PTPRD: variants seen among roughly 807,000 people sequenced by gnomAD.
The protein encoded by PTPRD is protein tyrosine phosphatase receptor type D, also known as receptor-type tyrosine-protein phosphatase delta.
Under a neutral mutation model 214.5 loss-of-function variants are expected in PTPRD, and 34 were observed. That is an observed-to-expected ratio of 0.16 (90% CI 0.12 to 0.21). The LOEUF (loss-of-function observed/expected upper bound fraction) is 0.21, where lower values mean the gene tolerates loss of function less well. Among genes scored for constraint, PTPRD ranks in the 10% least tolerant of loss-of-function variants. PTPRD has a pLI of 1.00. For synonymous variants in PTPRD, 1,128 were observed against 845.7 expected, an observed-to-expected ratio of 1.33 and a Z score of -5.79; for missense variants, 2,545 against 2,398.7, an observed-to-expected ratio of 1.06 and a Z score of -1.27.
chr9:9,967,066 G>C (rs1320432243), intron 4 of PTPRD, among the ~76,000 whole-genome samples: 1 of 152,130 alleles, frequency 6.6e-6, no homozygotes, highest in Non-Finnish European at 1.5e-5. Flanking sequence ...TCCAATGGCT[G>C]AGAACTTCAC....
intron 3 of PTPRD, among the ~76,000 whole-genome samples, chr9:10,263,960 G>C (rs1368307907): frequency 6.6e-6 from 1 of 152,158 alleles, no homozygotes; most frequent in Non-Finnish European, 1.5e-5. Context: ...AATGGGCCAA[G>C]GTACAGCTCA....
intron 5 of PTPRD, among the ~76,000 whole-genome samples, chr9:9,827,452 A>T (rs1467940723): frequency 6.6e-6 from 1 of 152,190 alleles, no homozygotes; most frequent in Non-Finnish European, 1.5e-5. Flanking sequence ...CTGGCTAGCC[A>T]TATGTAGAAA....
intron 7 of PTPRD, among the ~76,000 whole-genome samples, chr9:9,705,851 A>G (rs377270873): frequency 3.9e-5 from 6 of 152,128 alleles, no homozygotes; most frequent in African/African-American, 7.2e-5. Context: ...TTACTCAATC[A>G]CTTTGAAATT....
At chr9:9,518,510 G>C (rs2096889228) in intron 8 of PTPRD, among the ~76,000 whole-genome samples, 1 of 151,962 alleles carries the variant, frequency 6.6e-6, no homozygotes, top group African/African-American at 2.4e-5. Flanking sequence ...AAGAAGGAAG[G>C]CATAATAGGG....
intron 35 of PTPRD, among the ~76,000 whole-genome samples, chr9:8,419,976 C>A (rs2094240447): frequency 6.6e-6 from 1 of 152,038 alleles, no homozygotes; most frequent in African/African-American, 2.4e-5. Flanking sequence ...CTGCCCTGAC[C>A]TACTGAATTT....
chr9:8,821,425 G>A (rs1176812096), intron 11 of PTPRD, among the ~76,000 whole-genome samples: 1 of 152,106 alleles, frequency 6.6e-6, no homozygotes, highest in African/African-American at 2.4e-5. Context: ...ACAACCCCTA[G>A]GAATTCAAGG....
chr9:8,342,069 C>A, intron 39 of PTPRD, 91 bp from the exon 40 acceptor site: 1 of 1,288,540 alleles, frequency 7.8e-7, no homozygotes, highest in Non-Finnish European at 1.0e-6. Context: ...ATTAACTAGA[C>A]CTTACATCCA....
intron 5 of PTPRD, among the ~76,000 whole-genome samples, chr9:9,907,101 A>G (rs1422339663): frequency 6.6e-6 from 1 of 151,898 alleles, no homozygotes; most frequent in Non-Finnish European, 1.5e-5. Context: ...TGATGAGAGG[A>G]GTTCAGCTAG....
At chr9:9,052,029 C>T (rs1227714838) in intron 10 of PTPRD, among the ~76,000 whole-genome samples, 1 of 152,142 alleles carries the variant, frequency 6.6e-6, no homozygotes, top group African/African-American at 2.4e-5. Context: ...ATGGCTTAAA[C>T]AACAAACATT....
chr9:8,722,564 T>C (rs930233084), intron 12 of PTPRD, among the ~76,000 whole-genome samples: 42 of 152,248 alleles, frequency 2.8e-4, no homozygotes, highest in Middle Eastern at 3.4e-3. Flanking sequence ...TTAATCTATA[T>C]AGGGACTTCA....
chr9:9,532,104 C>T (rs1016405469), intron 8 of PTPRD, among the ~76,000 whole-genome samples: 1 of 151,778 alleles, frequency 6.6e-6, no homozygotes, highest in African/African-American at 2.4e-5. Context: ...GGTTCTCGAC[C>T]TTAAAAAAAT....
intron 8 of PTPRD, among the ~76,000 whole-genome samples, chr9:9,410,633 T>G (rs1157901870): frequency 6.6e-6 from 1 of 152,174 alleles, no homozygotes; most frequent in Non-Finnish European, 1.5e-5. Flanking sequence ...AAAAGAGGCT[T>G]TGAAACAGGA....
At chr9:8,514,841 G>A (rs1004021332) in intron 21 of PTPRD, among the ~76,000 whole-genome samples, 18 of 152,166 alleles carry the variant, frequency 1.2e-4, no homozygotes, top group African/African-American at 4.1e-4. Context: ...GGGACCTGGT[G>A]GGAGGTGATT....
At chr9:10,294,969 G>C (rs1267018571) in intron 3 of PTPRD, among the ~76,000 whole-genome samples, 1 of 149,848 alleles carries the variant, frequency 6.7e-6, no homozygotes, top group Non-Finnish European at 1.5e-5. Context: ...ATTTACCATA[G>C]TAAGTTCTTC....
intron 2 of PTPRD, among the ~76,000 whole-genome samples, chr9:10,473,415 T>C (rs907403684): frequency 6.6e-6 from 1 of 152,132 alleles, no homozygotes; most frequent in Non-Finnish European, 1.5e-5. Context: ...GATATCTCAG[T>C]GCTATTAATT....
chr9:9,338,897 GT>G (rs1444066847), intron 9 of PTPRD, among the ~76,000 whole-genome samples: 1 of 152,000 alleles, frequency 6.6e-6, no homozygotes, highest in Non-Finnish European at 1.5e-5. Context: ...CTGTGTCCAT[GT>G]GTTCTCATTA....
At chr9:9,151,756 G>A (rs2099876967) in intron 10 of PTPRD, among the ~76,000 whole-genome samples, 2 of 152,144 alleles carry the variant, frequency 1.3e-5, no homozygotes, top group South Asian at 4.1e-4. Flanking sequence ...ATCACAGATT[G>A]CTCAGTGCCT....
rs143140142 is a variant in PTPRD at position 9,285,750 on chromosome 9, C to T, written c.-202-102387G>A. On this transcript the variant is annotated intron_variant, in intron 9 of 45. Transcript: ENST00000381196. ...GTACTACTAAATGTGTTTCTTATGG[C>T]ACTAACTTTGATCCTCATTTGTTTC... is the stretch of plus-strand genomic sequence containing the variant. 3.9e-3 allele frequency among the ~76,000 whole-genome samples: 589 copies of T among 151,860 alleles called. 5 individuals are homozygous for T. Among genetic ancestry groups the T allele is most frequent in the Non-Finnish European group, 6.1e-3 (415 of 67,872 alleles).
At chr9:10,534,815 A>G (rs991321656) in intron 2 of PTPRD, among the ~76,000 whole-genome samples, 1 of 152,192 alleles carries the variant, frequency 6.6e-6, no homozygotes, top group Non-Finnish European at 1.5e-5. Context: ...CTCATTATAA[A>G]TATTTTCCAC....
Sources: gnomAD v4.1 joint callset for allele counts (sites outside exome capture counted in the v4.1 genomes callset) on GRCh38, gnomAD v4.1.1 for gene constraint, MANE v1.5 for transcripts, NCBI Gene and HGNC (gene_info 2026-07-23, HGNC 2026-07-21) for gene names.